ACYP2: variants seen among roughly 807,000 people sequenced by gnomAD.
The protein encoded by ACYP2 is acylphosphatase 2, also known as acylphosphatase-2.
ACYP2 carries 12 observed loss-of-function variants against 11.2 expected under a neutral mutation model. The ratio of observed to expected loss-of-function variants is 1.08; its 90% confidence interval spans 0.69 to 1.74. The LOEUF is 1.74. Among genes scored for constraint, ACYP2 ranks in the 40% most tolerant of loss-of-function variants. ACYP2 has a pLI of 0.00. For missense variants in ACYP2, 134 were observed against 101.9 expected, an observed-to-expected ratio of 1.31 and a Z score of -1.35; for synonymous variants, 43 against 32.2, an observed-to-expected ratio of 1.33 and a Z score of -1.13.
intron 6 of ACYP2, among the ~76,000 whole-genome samples, chr2:54,281,542 G>C (rs1269535456): frequency 6.6e-6 from 1 of 152,186 alleles, no homozygotes; most frequent in Non-Finnish European, 1.5e-5. Context: ...TAGAATTATA[G>C]TAGCAAAGAT....
At chr2:54,018,833 C>T (rs529181939) in intron 2 of ACYP2, among the ~76,000 whole-genome samples, 8 of 152,030 alleles carry the variant, frequency 5.3e-5, no homozygotes, top group South Asian at 2.1e-4. Flanking sequence ...CTACAACGTC[C>T]GCCTCCCAGG....
intron 6 of ACYP2, among the ~76,000 whole-genome samples, chr2:54,169,588 T>G (rs752869663): frequency 5.3e-5 from 8 of 152,278 alleles, no homozygotes; most frequent in African/African-American, 1.9e-4. Context: ...CTCTAGGAAT[T>G]TGATGTAAGT....
intron 6 of ACYP2, among the ~76,000 whole-genome samples, chr2:54,210,339 C>G (rs573549749): frequency 6.6e-6 from 1 of 152,002 alleles, no homozygotes; most frequent in African/African-American, 2.4e-5. Flanking sequence ...ATGTTACTTA[C>G]ATTACTTATA....
At chr2:54,006,484 T>A (rs1380890144) in intron 2 of ACYP2, among the ~76,000 whole-genome samples, 1 of 152,104 alleles carries the variant, frequency 6.6e-6, no homozygotes, top group Admixed American at 6.6e-5. Flanking sequence ...GGTGTCTTGC[T>A]GTGCTGCCCA....
At chr2:54,009,528 T>C (rs1673251979) in intron 2 of ACYP2, among the ~76,000 whole-genome samples, 1 of 152,096 alleles carries the variant, frequency 6.6e-6, no homozygotes, top group South Asian at 2.1e-4. Flanking sequence ...GAGCCAAGAT[T>C]GCATCACTGC....
intron 2 of ACYP2, chr2:54,050,873 C>T (rs946137976): frequency 7.9e-6 from 3 of 381,850 alleles, no homozygotes; most frequent in Non-Finnish European, 1.4e-5. Flanking sequence ...CTCCTGGGCT[C>T]AAGCAATCCT....
chr2:54,000,071 A>G (rs967168323), intron 2 of ACYP2, among the ~76,000 whole-genome samples: 1 of 151,940 alleles, frequency 6.6e-6, no homozygotes, highest in African/African-American at 2.4e-5. Context: ...TTAATTTACT[A>G]TCTGTTATTT....
At chr2:54,148,921 G>A (rs77209949) in intron 6 of ACYP2, among the ~76,000 whole-genome samples, 3,289 of 152,236 alleles carry the variant, frequency 0.022, 68 homozygotes, top group East Asian at 0.096. Context: ...GTTGGTGCAA[G>A]AGTAATGGCA....
intron 2 of ACYP2, among the ~76,000 whole-genome samples, chr2:54,039,309 G>A (rs1261005460): frequency 6.7e-6 from 1 of 149,802 alleles, no homozygotes; most frequent in African/African-American, 2.5e-5. Flanking sequence ...TTTTGGCGGG[G>A]GGGGACAGGG....
At chr2:54,269,787 T>A (rs930099522) in intron 6 of ACYP2, among the ~76,000 whole-genome samples, 2 of 152,242 alleles carry the variant, frequency 1.3e-5, no homozygotes, top group African/African-American at 4.8e-5. Context: ...TCAATTTTAT[T>A]TATAGAAAAG....
At chr2:54,101,753 C>G (rs1355461107) in intron 4 of ACYP2, among the ~76,000 whole-genome samples, 3 of 151,252 alleles carry the variant, frequency 2.0e-5, no homozygotes, top group Non-Finnish European at 2.9e-5. Flanking sequence ...CTCCCTTTCT[C>G]CTTTTTAAAA....
intron 6 of ACYP2, among the ~76,000 whole-genome samples, chr2:54,190,597 C>T (rs1572909946): frequency 1.3e-5 from 2 of 152,238 alleles, no homozygotes; most frequent in South Asian, 4.2e-4. Flanking sequence ...TTCTGCCTCT[C>T]TTACTGACAG....
At chr2:54,041,503 G>A (rs2104563333) in intron 2 of ACYP2, among the ~76,000 whole-genome samples, 1 of 152,298 alleles carries the variant, frequency 6.6e-6, no homozygotes, top group South Asian at 2.1e-4. Flanking sequence ...ATTCAGTGTG[G>A]TTGTTAGCAG....
chr2:54,180,668 C>T (rs1683666332), intron 6 of ACYP2, among the ~76,000 whole-genome samples: 2 of 152,140 alleles, frequency 1.3e-5, no homozygotes, highest in African/African-American at 4.8e-5. Flanking sequence ...AATCCTCCCA[C>T]CTCAGCCTCC....
At chr2:54,128,721 C>T (rs1295747023) in intron 4 of ACYP2, among the ~76,000 whole-genome samples, 1 of 151,978 alleles carries the variant, frequency 6.6e-6, no homozygotes. Context: ...CCTTTTCCCC[C>T]CTTTTTTAAA....
chr2:54,184,937 C>T (rs1316117388), intron 6 of ACYP2, among the ~76,000 whole-genome samples: 1 of 151,560 alleles, frequency 6.6e-6, no homozygotes, highest in Non-Finnish European at 1.5e-5. Context: ...ACCTCTGCCT[C>T]CCGGGTTCAA....
intron 6 of ACYP2, among the ~76,000 whole-genome samples, chr2:54,250,136 A>G (rs566521757): frequency 3.1e-4 from 47 of 152,000 alleles, no homozygotes; most frequent in Non-Finnish European, 4.6e-4. Flanking sequence ...ATCCTCATCT[A>G]TCTTAGTAAA....
intron 6 of ACYP2, among the ~76,000 whole-genome samples, chr2:54,231,878 G>A (rs1269873044): frequency 6.6e-6 from 1 of 152,214 alleles, no homozygotes; most frequent in African/African-American, 2.4e-5. Flanking sequence ...ATCGGGCGCT[G>A]TACTAAGTGA....
At chr2:54,144,989 T>C (rs1238240848) in intron 6 of ACYP2, among the ~76,000 whole-genome samples, 1 of 152,126 alleles carries the variant, frequency 6.6e-6, no homozygotes, top group African/African-American at 2.4e-5. Context: ...ATGAAGGTGA[T>C]TAGGCATTTT....
Sources: gnomAD v4.1 joint callset for allele counts (sites outside exome capture counted in the v4.1 genomes callset) on GRCh38, gnomAD v4.1.1 for gene constraint, MANE v1.5 for transcripts, NCBI Gene and HGNC (gene_info 2026-07-23, HGNC 2026-07-21) for gene names.